The following ADAMTS18 variants were observed in gnomAD, a reference collection of about 807,000 sequenced individuals.
ADAMTS18 encodes ADAM metallopeptidase with thrombospondin type 1 motif 18.
A neutral mutation model predicts 165.9 loss-of-function variants in ADAMTS18; 157 were observed. That is an observed-to-expected ratio of 0.95 (90% confidence interval 0.83 to 1.08). The LOEUF (loss-of-function observed/expected upper bound fraction) is 1.08. ADAMTS18 is among the 50% of genes least tolerant of loss of function. The probability of loss-of-function intolerance (pLI) is 0.00; values close to 1 mark genes in which losing one functional copy is unlikely to be tolerated. For synonymous variants in ADAMTS18, 782 were observed against 578.2 expected (o/e 1.35, Z -5.06); for missense variants, 2,040 against 1,534.0 (o/e 1.33, Z -5.51).
chr16:77,358,245 T>A (rs1483464080), intron 8 of ADAMTS18, among the ~76,000 whole-genome samples: 1 of 152,170 alleles, frequency 6.6e-6, no homozygotes, highest in Non-Finnish European at 1.5e-5. Context: ...TGATCAAGGT[T>A]TAAATTTCCT....
At chr16:77,357,557 C>G (rs1429825826) in intron 8 of ADAMTS18, among the ~76,000 whole-genome samples, 4 of 152,072 alleles carry the variant, frequency 2.6e-5, no homozygotes, top group Non-Finnish European at 5.9e-5. Flanking sequence ...GAAGAAACAG[C>G]AAGAATCCCA....
intron 16 of ADAMTS18, among the ~76,000 whole-genome samples, chr16:77,315,492 C>T (rs2650898): frequency 0.51 from 76,874 of 152,000 alleles, 20,163 homozygotes; most frequent in African/African-American, 0.54. Context: ...TCTCCACTCA[C>T]GCCTGTGGGT....
rs1203646743 is a variant in ADAMTS18 at position 77,321,607 on chromosome 16, G to C, written c.2164-405C>G. 3.3e-5 allele frequency among the ~76,000 whole-genome samples: 5 copies of C among 152,214 alleles called. No individual in the cohort carries two copies. In the East Asian group the frequency reaches 7.7e-4, roughly 24 times the overall value. ...CTAAAATTAAAATGGAAGAGAAAAT[G>C]AGCACTCAAAGTGAAAGGAAAAATA... is the stretch of plus-strand genomic sequence containing the variant. On this transcript the variant is annotated intron_variant, in intron 14 of 22. Coordinates refer to ENST00000282849, the MANE Select transcript of ADAMTS18 (RefSeq NM_199355.4).
At chr16:77,388,723 G>C (rs2057143897) in intron 3 of ADAMTS18, among the ~76,000 whole-genome samples, 2 of 152,106 alleles carry the variant, frequency 1.3e-5, no homozygotes, top group Admixed American at 1.3e-4. Flanking sequence ...GAAAATACTG[G>C]GTTTCTTGAT....
intron 3 of ADAMTS18, among the ~76,000 whole-genome samples, chr16:77,368,415 C>T (rs188471803): frequency 1.4e-3 from 218 of 151,398 alleles, no homozygotes; most frequent in African/African-American, 4.4e-3. Context: ...TCAAGTGGTT[C>T]ACACTTGATT....
At chr16:77,374,183 C>T (rs1314596949) in intron 3 of ADAMTS18, among the ~76,000 whole-genome samples, 1 of 147,110 alleles carries the variant, frequency 6.8e-6, no homozygotes, top group Non-Finnish European at 1.5e-5. Context: ...TGCACCACTA[C>T]ATTCCAACCT....
At chr16:77,345,349 G>A (rs948028755) in intron 10 of ADAMTS18, among the ~76,000 whole-genome samples, 1 of 152,096 alleles carries the variant, frequency 6.6e-6, no homozygotes, top group African/African-American at 2.4e-5. Context: ...CATTGGTTCT[G>A]GTAAAAAATC....
At chr16:77,345,282 C>T (rs933474715) in intron 10 of ADAMTS18, among the ~76,000 whole-genome samples, 2 of 152,190 alleles carry the variant, frequency 1.3e-5, no homozygotes, top group African/African-American at 2.4e-5. Flanking sequence ...ATTGGCTCCT[C>T]CAAACCTGTC....
At chr16:77,299,405 C>T (rs1385964908) in intron 17 of ADAMTS18, among the ~76,000 whole-genome samples, 2 of 152,038 alleles carry the variant, frequency 1.3e-5, no homozygotes, top group Admixed American at 6.6e-5. Flanking sequence ...TTTTTTCATA[C>T]TTTGTTAATT....
At position 77,283,428 on chromosome 16, in the gene ADAMTS18, A is replaced by G. The variant is rs1014832079; in HGVS notation, c.*528T>C. 6.2e-6 allele frequency: 1 copy of G among 160,670 alleles called. No homozygotes were observed. The highest frequency in any genetic ancestry group is 2.4e-5 in the African/African-American group (1 of 41,498). 10.0% of individuals were successfully genotyped at this position (160,670 alleles called of 1,614,324 possible). A position where few individuals can be genotyped will look rare whatever the true frequency, so the allele number is the denominator to read the frequency against. On this transcript the variant is annotated 3_prime_UTR_variant, in exon 23 of 23. Transcript: ENST00000282849. ...AACATAACATGAAGCTTGCCAGTCC[A>G]GCAGCAAGCACAATTGCGAGCACCA...
chr16:77,353,617 A>G, intron 10 of ADAMTS18, 116 bp downstream of exon 10: 2 of 1,366,274 alleles, frequency 1.5e-6, no homozygotes, highest in Non-Finnish European at 1.0e-6. Flanking sequence ...CTGACACGGT[A>G]GAGATAACCC....
chr16:77,284,162 C>G, intron 22 of ADAMTS18, 91 bp from the exon 23 acceptor site: 3 of 845,434 alleles, frequency 3.5e-6, no homozygotes, highest in African/African-American at 1.7e-5. Context: ...ACTCTGTTAC[C>G]TAGGCTGGAG....
chr16:77,364,831 C>T (rs2650909), intron 4 of ADAMTS18, among the ~76,000 whole-genome samples: 15 of 151,712 alleles, frequency 9.9e-5, no homozygotes, highest in African/African-American at 2.9e-4. Context: ...CTAGGCCAGG[C>T]GTGGTGGCTC....
chr16:77,287,863 T>G (rs1014384487), intron 22 of ADAMTS18, among the ~76,000 whole-genome samples: 1 of 152,162 alleles, frequency 6.6e-6, no homozygotes, highest in Non-Finnish European at 1.5e-5. Flanking sequence ...ACTGTAACAC[T>G]GTGAATATTC....
At chr16:77,375,746 T>C (rs987432475) in intron 3 of ADAMTS18, among the ~76,000 whole-genome samples, 1 of 152,142 alleles carries the variant, frequency 6.6e-6, no homozygotes, top group Admixed American at 6.5e-5. Context: ...TACCTGAGAA[T>C]TGGGTATTTA....
At chr16:77,404,902 C>T (rs2057374776) in intron 3 of ADAMTS18, among the ~76,000 whole-genome samples, 1 of 152,180 alleles carries the variant, frequency 6.6e-6, no homozygotes, top group African/African-American at 2.4e-5. Flanking sequence ...AGCATGAATC[C>T]TTAACACAGT....
At chr16:77,388,679 T>G (rs936512238) in intron 3 of ADAMTS18, among the ~76,000 whole-genome samples, 25 of 152,184 alleles carry the variant, frequency 1.6e-4, no homozygotes, top group Admixed American at 2.0e-4. Flanking sequence ...AGTGAGTGAC[T>G]AGTGGGCCCA....
chr16:77,385,674 T>C, intron 3 of ADAMTS18, among the ~76,000 whole-genome samples: 1 of 152,086 alleles, frequency 6.6e-6, no homozygotes. Context: ...AGAGATGTGA[T>C]TAAGTACGCT....
chr16:77,434,829 A>C lies in ADAMTS18; in HGVS notation c.-134T>G. ...CCAGGTGAGAGCCGCCGCCGTTCAC[A>C]TCGCAGCGGGGGCGCGCTGGGACCT... On this transcript the variant is annotated 5_prime_UTR_variant, in exon 1 of 23. The change abolishes an upstream ATG in the 5' untranslated region. Coordinates refer to ENST00000282849, the MANE Select transcript of ADAMTS18 (RefSeq NM_199355.4). 1 of 699,262 alleles carries C rather than the reference A, an allele frequency of 1.4e-6. No individual in the cohort carries two copies. The highest frequency in any genetic ancestry group is 2.0e-6 in the Non-Finnish European group (1 of 496,326). The allele number at this position is 699,262 out of a possible 1,614,324, so 43.3% of individuals were successfully genotyped here.
Sources: gnomAD v4.1 joint callset for allele counts (sites outside exome capture counted in the v4.1 genomes callset) on GRCh38, gnomAD v4.1.1 for gene constraint, MANE v1.5 for transcripts, NCBI Gene and HGNC (gene_info 2026-07-23, HGNC 2026-07-21) for gene names.